Variants in TPRG1 observed in about 807,000 individuals in gnomAD.
TPRG1 encodes tumor protein p63-regulated gene 1 protein.
In TPRG1, 29 loss-of-function variants were observed where a neutral mutation model predicts 29.3. The ratio of observed to expected loss-of-function variants is 0.99; its 90% CI spans 0.74 to 1.35. The LOEUF is 1.35. Among genes scored for constraint, TPRG1 ranks in the 40% most tolerant of loss-of-function variants. The pLI is 0.00. For synonymous variants in TPRG1, 130 were observed against 116.8 expected (o/e 1.11, Z -0.73); for missense variants, 327 against 335.0 (o/e 0.98, Z 0.19).
chr3:189,238,844 T>A lies in TPRG1; in HGVS notation c.414T>A (p.Ile138=). The A allele has an allele frequency of 6.2e-7, 1 of 1,613,784 alleles. No homozygotes were observed. Among genetic ancestry groups the A allele is most frequent in the South Asian group, 1.1e-5 (1 of 91,064 alleles). Residue 138 remains isoleucine, a synonymous_variant, in exon 4 of 6, where the codon ATT becomes ATA. Transcript: ENST00000345063. ...TGAGTTGTGTGCAGCTGCAGCGGAT[T>A]CCTCTGAGCGCTGTCTATCGCATCT... ...IMLSCVQLQR[I]PLSAVYRICL...
At chr3:189,289,979 A>T (rs868555768) in intron 4 of TPRG1, among the ~76,000 whole-genome samples, 27 of 152,364 alleles carry the variant, frequency 1.8e-4, no homozygotes, top group African/African-American at 6.5e-4. Context: ...TATTGCTTTT[A>T]TGTTAAAATC....
chr3:189,146,543 C>T (rs989311091), intron 3 of TPRG1, among the ~76,000 whole-genome samples: 16 of 152,138 alleles, frequency 1.1e-4, no homozygotes, highest in African/African-American at 3.1e-4. Context: ...GGACTCAAGA[C>T]GCCTTCCCAC....
At chr3:189,130,995 T>A (rs531736993) in intron 2 of TPRG1, among the ~76,000 whole-genome samples, 103 of 152,290 alleles carry the variant, frequency 6.8e-4, no homozygotes, top group Middle Eastern at 6.8e-3. Flanking sequence ...CCTCATGCCA[T>A]GTTACCTCTG....
chr3:189,053,063 G>C (rs1715430482), intron 4 of TPRG1, among the ~76,000 whole-genome samples: 1 of 152,096 alleles, frequency 6.6e-6, no homozygotes, highest in Non-Finnish European at 1.5e-5. Flanking sequence ...AATACCACCT[G>C]TATCCCAATA....
intron 3 of TPRG1, among the ~76,000 whole-genome samples, chr3:189,005,949 TA>T (rs1274969765): frequency 1.3e-5 from 2 of 152,062 alleles, no homozygotes; most frequent in African/African-American, 4.8e-5. Context: ...GAATACTGGA[TA>T]AACAGCAACA....
intron 3 of TPRG1, among the ~76,000 whole-genome samples, chr3:189,235,886 C>T (rs1425525847): frequency 6.6e-6 from 1 of 152,016 alleles, no homozygotes; most frequent in Admixed American, 6.5e-5. Context: ...ACATTTAGAC[C>T]AAAGGGTTCT....
chr3:189,000,525 GT>G (rs1711972012), intron 1 of TPRG1, among the ~76,000 whole-genome samples: 1 of 151,928 alleles, frequency 6.6e-6, no homozygotes, highest in Non-Finnish European at 1.5e-5. Flanking sequence ...TTCTATAGGA[GT>G]TTGTATATAA....
In TPRG1 at chr3:189,085,452, T is replaced by TGTGTGTGTGC. The variant is rs778097940; in HGVS notation, c.-462-41596_-462-41595insCGTGTGTGTG. 2.7e-3 allele frequency among the ~76,000 whole-genome samples: 397 copies of TGTGTGTGTGC among 148,566 alleles called. 1 individual carries two copies. The highest frequency in any genetic ancestry group is 4.8e-3 in the African/African-American group (194 of 40,456). On this transcript the variant is annotated intron_variant, in intron 4 of 10. Transcript: ENST00000433971. Reference sequence around the variant, plus strand: ...TCGTGTCTGTGTGTGTGTGCATGTGTGTGTGTGTGTGTGTGTGTGTGTATT... The same window carrying TGTGTGTGTGC: ...TCGTGTCTGTGTGTGTGTGCATGTGTGTGTGTGTGCGTGTGTGTGTGTGTGTGTGTGTATT...
intron 3 of TPRG1, among the ~76,000 whole-genome samples, chr3:189,021,694 C>T (rs1486704578): frequency 6.6e-6 from 1 of 152,152 alleles, no homozygotes; most frequent in Non-Finnish European, 1.5e-5. Context: ...TTTGGTGAAT[C>T]TGACAATTAT....
intron 4 of TPRG1, among the ~76,000 whole-genome samples, chr3:189,300,659 G>T (rs1387256735): frequency 6.6e-6 from 1 of 152,184 alleles, no homozygotes; most frequent in African/African-American, 2.4e-5. Flanking sequence ...AGCTAGACCA[G>T]ATAAGCTCCA....
At chr3:189,157,070 C>T (rs1201944342) in intron 5 of TPRG1, among the ~76,000 whole-genome samples, 1 of 152,216 alleles carries the variant, frequency 6.6e-6, no homozygotes, top group Admixed American at 6.5e-5. Flanking sequence ...TTGCTATTCA[C>T]CTGCTGTCAC....
chr3:189,249,866 C>T (rs1741895405), intron 4 of TPRG1, among the ~76,000 whole-genome samples: 1 of 152,000 alleles, frequency 6.6e-6, no homozygotes, highest in East Asian at 1.9e-4. Flanking sequence ...TTTCAAGTTG[C>T]TTATAATGGT....
intron 2 of TPRG1, among the ~76,000 whole-genome samples, chr3:189,003,960 A>T (rs1187968479): frequency 6.6e-6 from 1 of 152,176 alleles, no homozygotes; most frequent in Non-Finnish European, 1.5e-5. Flanking sequence ...GGATCTTACC[A>T]TATGGCCCTT....
intron 4 of TPRG1, among the ~76,000 whole-genome samples, chr3:189,067,267 G>C (rs923646482): frequency 6.6e-6 from 1 of 152,042 alleles, no homozygotes; most frequent in Non-Finnish European, 1.5e-5. Flanking sequence ...TATAGATTCA[G>C]TGCAATCTCT....
At chr3:189,198,806 A>G (rs1048485587) in intron 1 of TPRG1, among the ~76,000 whole-genome samples, 1 of 152,198 alleles carries the variant, frequency 6.6e-6, no homozygotes, top group Non-Finnish European at 1.5e-5. Context: ...GGAGTCAAGA[A>G]CTCAAGTGCT....
chr3:189,230,080 G>A (rs1738393603), intron 3 of TPRG1, among the ~76,000 whole-genome samples: 1 of 152,204 alleles, frequency 6.6e-6, no homozygotes, highest in Non-Finnish European at 1.5e-5. Context: ...AAGTCGGTCA[G>A]GGGTGGGCCT....
chr3:189,230,165 C>T (rs1460395793), intron 3 of TPRG1, among the ~76,000 whole-genome samples: 2 of 152,106 alleles, frequency 1.3e-5, no homozygotes, highest in Admixed American at 6.5e-5. Flanking sequence ...AGGATGGGGG[C>T]GTGCCCAGAT....
At chr3:189,275,745 G>A (rs1396030715) in intron 4 of TPRG1, among the ~76,000 whole-genome samples, 2 of 152,086 alleles carry the variant, frequency 1.3e-5, no homozygotes, top group African/African-American at 4.8e-5. Flanking sequence ...AGCTACTGTT[G>A]TATTTTAAAT....
chr3:189,161,552 A>G (rs1330732750), intron 5 of TPRG1, among the ~76,000 whole-genome samples: 1 of 152,130 alleles, frequency 6.6e-6, no homozygotes, highest in Non-Finnish European at 1.5e-5. Context: ...TACAAAATAT[A>G]CCATCCCTCA....
Sources: gnomAD v4.1 joint callset for allele counts (sites outside exome capture counted in the v4.1 genomes callset) on GRCh38, gnomAD v4.1.1 for gene constraint, MANE v1.5 for transcripts, NCBI Gene and HGNC (gene_info 2026-07-23, HGNC 2026-07-21) for gene names.